Variants in CACNA2D4 observed in about 807,000 individuals in gnomAD.
CACNA2D4 encodes calcium voltage-gated channel auxiliary subunit alpha2delta 4, also known as voltage-dependent calcium channel subunit alpha-2/delta-4.
CACNA2D4 carries 157 observed loss-of-function variants against 163.8 expected under a neutral mutation model. The ratio of observed to expected loss-of-function variants is 0.96; its 90% CI spans 0.84 to 1.09. The LOEUF (loss-of-function observed/expected upper bound fraction) is 1.09. Ranked by LOEUF, CACNA2D4 falls within the 50% of genes least tolerant of loss-of-function variation. CACNA2D4 has a pLI of 0.00. For missense variants in CACNA2D4, 1,410 were observed against 1,479.9 expected (o/e 0.95, Z 0.78); for synonymous variants, 598 against 586.9 (o/e 1.02, Z -0.27).
At chr12:1,810,826 T>C (rs1402675478) in intron 27 of CACNA2D4, among the ~76,000 whole-genome samples, 2 of 152,078 alleles carry the variant, frequency 1.3e-5, no homozygotes, top group African/African-American at 2.4e-5. Context: ...TGTCTGTACG[T>C]GGAGGGCACA....
chr12:1,846,682 C>T lies in CACNA2D4; in HGVS notation c.2254G>A (p.Glu752Lys), dbSNP rs778892992. The T allele has an allele frequency of 6.3e-7, 1 of 1,597,130 alleles. No individual in the cohort carries two copies. Among genetic ancestry groups the T allele is most frequent in the Admixed American group, 1.7e-5 (1 of 58,486 alleles). Residue 752 changes from glutamate (E) to lysine (K), a missense_variant, in exon 24 of 38, where the codon GAA (glutamate) becomes AAA (lysine). By Grantham distance (56) the Glu-to-Lys change is moderately conservative. Transcript: ENST00000382722. Reference protein sequence around the residue: ...ALALNMSEESEHVVDMAFLGT... With the variant: ...ALALNMSEESKHVVDMAFLGT... ...AGGAAGGCCATGTCCACCACGTGTT[C>T]AGACTCCCTGTGTGGCAGACAGAGC...
rs544069925 is a variant in CACNA2D4, at chr12:1,797,269, C to G, written c.3113+149G>C. Reference sequence around the variant, plus strand: ...TCCACTGAGGACGGCGGGGGAAGACCCCGGGAGCGTGGGCTCTGCACTTAG... The same window carrying G: ...TCCACTGAGGACGGCGGGGGAAGACGCCGGGAGCGTGGGCTCTGCACTTAG... On this transcript the variant is annotated intron_variant, in intron 35 of 37. Transcript: ENST00000382722. 341 of 656,504 alleles carry G rather than the reference C, an allele frequency of 5.2e-4. 1 individual carries two copies. In the African/African-American group the frequency reaches 5.4e-3, roughly 10 times the overall value. The allele number at this position is 656,504 out of a possible 1,614,324, so 40.7% of individuals were successfully genotyped here. A position where few individuals can be genotyped will look rare whatever the true frequency, so the allele number is the denominator to read the frequency against.
chr12:1,881,416 C>T (rs557141132), intron 13 of CACNA2D4, among the ~76,000 whole-genome samples: 9 of 152,348 alleles, frequency 5.9e-5, no homozygotes, highest in African/African-American at 1.9e-4. Flanking sequence ...GGCCTATGCC[C>T]GGCTTCTCTC....
In CACNA2D4 at chr12:1,856,092, TC is replaced by T; in HGVS notation, c.2071del (p.Asp691IlefsTer12). 1 of 1,613,998 alleles carries T rather than the reference TC, an allele frequency of 6.2e-7. No homozygotes were observed. Among genetic ancestry groups the T allele is most frequent in the South Asian group, 1.1e-5 (1 of 91,086 alleles). On this transcript the variant is annotated frameshift_variant, in exon 22 of 38. Coordinates refer to ENST00000382722, the MANE Select transcript of CACNA2D4 (RefSeq NM_172364.5). LOFTEE classifies it high-confidence loss of function. ...LAGDWIYCIT[D>X]IDPDHRKLSQ... The stretch of plus-strand genomic sequence containing the variant: ...GAGCTTCCGGTGGTCTGGGTCAATA[TC>T]TGTGATGCAGTAGATCCTGAAACCC...
chr12:1,915,046 G>A (rs1221592101), intron 1 of CACNA2D4, 111 bp from the exon 2 acceptor site: 2 of 790,808 alleles, frequency 2.5e-6, no homozygotes, highest in African/African-American at 1.7e-5. Flanking sequence ...TCTACACACA[G>A]ACACCTGCTG....
chr12:1,809,696 G>C, intron 29 of CACNA2D4: 1 of 629,204 alleles, frequency 1.6e-6, no homozygotes, highest in Admixed American at 2.6e-5. Context: ...GCGGGGGCGG[G>C]GGGAGGATTA....
chr12:1,914,998 G>A (rs575781738), intron 1 of CACNA2D4, 63 bp from the exon 2 acceptor site: 41 of 1,216,628 alleles, frequency 3.4e-5, no homozygotes, highest in Admixed American at 2.4e-4. Flanking sequence ...AGAAACACAC[G>A]CGTAGACATA....
At chr12:1,916,074 G>T (rs1044139601) in intron 1 of CACNA2D4, among the ~76,000 whole-genome samples, 5 of 152,232 alleles carry the variant, frequency 3.3e-5, no homozygotes, top group African/African-American at 1.2e-4. Flanking sequence ...CTGCAAAGGG[G>T]TCTGGGAGAG....
In CACNA2D4 at chr12:1,792,475, C is replaced by T. The variant is rs1006904733; in HGVS notation, c.*1180G>A. 1 of 152,224 alleles carries T rather than the reference C, an allele frequency of 6.6e-6. No individual in the cohort carries two copies. The highest frequency in any genetic ancestry group is 2.4e-5 in the African/African-American group (1 of 41,446). 9.4% of individuals were successfully genotyped at this position (152,224 alleles called of 1,614,324 possible). ...AGCGGGGGGAAGCGCCCCAAAAGCC[C>T]TGCATGCTGTCCATACCCATCACTG... On this transcript the variant is annotated 3_prime_UTR_variant, in exon 38 of 38. Transcript: ENST00000382722.
At chr12:1,877,918 G>A (rs1462000371) in intron 16 of CACNA2D4, among the ~76,000 whole-genome samples, 1 of 152,200 alleles carries the variant, frequency 6.6e-6, no homozygotes, top group Admixed American at 6.5e-5. Flanking sequence ...GAGCACTCAG[G>A]AATGCATCCT....
At chr12:1,903,434 C>T (rs1866582721) in intron 6 of CACNA2D4, among the ~76,000 whole-genome samples, 2 of 151,786 alleles carry the variant, frequency 1.3e-5, no homozygotes, top group Admixed American at 6.6e-5. Flanking sequence ...AGACAATGCA[C>T]AGAATGGGAG....
At position 1,795,685 on chromosome 12, in the gene CACNA2D4, T is replaced by G. The variant is rs1565666979; in HGVS notation, c.3209A>C (p.Glu1070Ala). The change falls in exon 36 of 38, where the codon GAG becomes GCG. Residue 1070 changes from glutamate (E) to alanine (A), a missense_variant. Coordinates refer to ENST00000382722, the MANE Select transcript of CACNA2D4 (RefSeq NM_172364.5). ...DCSIFPPVLQ[E>A]ATEVKYNASV... The stretch of plus-strand genomic sequence containing the variant: ...CAGGATATATTTGACTTCTGTCGCC[T>G]CCTGCAGCACTGGTGGGAAGATGCT... The G allele has an allele frequency of 6.2e-7, 1 of 1,611,424 alleles. No homozygotes were observed. The highest frequency in any genetic ancestry group is 2.2e-5 in the East Asian group (1 of 44,860).
intron 26 of CACNA2D4, among the ~76,000 whole-genome samples, chr12:1,816,769 TGGACACACACATATATGCACACAC>T (rs1437379791): frequency 1.3e-5 from 2 of 151,916 alleles, no homozygotes; most frequent in Non-Finnish European, 2.9e-5. Flanking sequence ...TGCACACACA[TGGACACACACATATATGCACACAC>T]GGACACACAT....
intron 26 of CACNA2D4, among the ~76,000 whole-genome samples, chr12:1,821,040 G>A (rs1475218735): frequency 6.6e-6 from 1 of 152,254 alleles, no homozygotes; most frequent in Non-Finnish European, 1.5e-5. Flanking sequence ...CTGGGGACAA[G>A]AGCTGTGGAT....
In CACNA2D4 at chr12:1,799,766, T is replaced by G; in HGVS notation, c.2975-71A>C. 1 of 1,532,316 alleles carries G rather than the reference T, an allele frequency of 6.5e-7. No homozygotes were observed. The highest frequency in any genetic ancestry group is 8.9e-7 in the Non-Finnish European group (1 of 1,129,192). The allele number at this position is 1,532,316 out of a possible 1,614,324, so 94.9% of individuals were successfully genotyped here. ...AACATGGTGGCACATGAGGGCAGGATGTCATGGGGTGGTGATGATGGCACA... is the reference window on the plus strand; with the variant it reads ...AACATGGTGGCACATGAGGGCAGGAGGTCATGGGGTGGTGATGATGGCACA... On this transcript the variant is annotated intron_variant, in intron 33 of 37. Transcript: ENST00000382722. This position sits in a 1 kb window ranked among gnomAD's most constrained non-coding sequence, Gnocchi z 4.7.
At position 1,873,428 on chromosome 12, in the gene CACNA2D4, G is replaced by A. The variant is rs188672041; in HGVS notation, c.1878+1176C>T. On this transcript the variant is annotated intron_variant, in intron 18 of 37. Coordinates refer to ENST00000382722, the MANE Select transcript of CACNA2D4 (RefSeq NM_172364.5). ...TAGGACTCTGCCTCAGTGGCTCTGA[G>A]AAGCATAAAAGCAGCACGAGATTCC... 1.3e-3 allele frequency among the ~76,000 whole-genome samples: 202 copies of A among 152,348 alleles called. 1 individual carries two copies. Among genetic ancestry groups the A allele is most frequent in the African/African-American group, 4.8e-3 (201 of 41,586 alleles).
Position 1,889,387 on chromosome 12 carries a change from A to T in CACNA2D4, c.782-2318T>A, listed in dbSNP as rs531931655. ...TGTGTCTGATTTGTGGGGATGAAAAATTTGAAATATTGACAATAGAATGGA... is the reference window on the plus strand; with the variant it reads ...TGTGTCTGATTTGTGGGGATGAAAATTTTGAAATATTGACAATAGAATGGA... On this transcript the variant is annotated intron_variant, in intron 6 of 37. Coordinates refer to ENST00000382722, the MANE Select transcript of CACNA2D4 (RefSeq NM_172364.5). 1.9e-4 allele frequency among the ~76,000 whole-genome samples: 29 copies of T among 152,370 alleles called. No individual in the cohort carries two copies. In the South Asian group the frequency reaches 6.0e-3, roughly 32 times the overall value.
At chr12:1,910,709 T>C (rs1050365324) in intron 3 of CACNA2D4, among the ~76,000 whole-genome samples, 2 of 152,166 alleles carry the variant, frequency 1.3e-5, no homozygotes, top group South Asian at 2.1e-4. Context: ...ACAACACAGA[T>C]GAACCCTGTA....
At chr12:1,913,510 C>T (rs1592753885) in intron 2 of CACNA2D4, among the ~76,000 whole-genome samples, 1 of 152,224 alleles carries the variant, frequency 6.6e-6, no homozygotes, top group Admixed American at 6.5e-5. Flanking sequence ...TGCAGAGCCA[C>T]GCTGCATCCC....
Sources: gnomAD v4.1 joint callset for allele counts (sites outside exome capture counted in the v4.1 genomes callset) on GRCh38, gnomAD v4.1.1 for gene constraint, Gnocchi (gnomAD v3.1) non-coding constraint, MANE v1.5 for transcripts, NCBI Gene and HGNC (gene_info 2026-07-23, HGNC 2026-07-21) for gene names.